The following SESTD1 variants were observed in gnomAD, a reference collection of about 807,000 sequenced individuals.
SESTD1 encodes the protein SEC14 and spectrin domain containing 1, also known as SEC14 domain and spectrin repeat-containing protein 1.
A neutral mutation model predicts 101.7 loss-of-function variants in SESTD1; 43 were observed. That is an observed-to-expected ratio of 0.42 (90% confidence interval 0.33 to 0.55). SESTD1 has a LOEUF of 0.55. Ranked by LOEUF, SESTD1 falls within the 20% of genes least tolerant of loss-of-function variation. SESTD1 has a pLI of 0.07. For missense variants in SESTD1, 647 were observed against 815.1 expected, an observed-to-expected ratio of 0.79 and a Z score of 2.51; for synonymous variants, 283 against 286.8, an observed-to-expected ratio of 0.99 and a Z score of 0.13.
intron 1 of SESTD1, among the ~76,000 whole-genome samples, chr2:179,253,997 GGCTGAGGCAGGAGGATCACCTGA>G (rs959388194): frequency 2.0e-5 from 3 of 152,118 alleles, no homozygotes; most frequent in African/African-American, 7.2e-5. Flanking sequence ...CTACTCAGGA[GGCTGAGGCAGGAGGATCACCTGA>G]GCCCAGAAGG....
chr2:179,110,111 C>A, intron 17 of SESTD1, 83 bp from the exon 18 acceptor site: 2 of 1,407,304 alleles, frequency 1.4e-6, no homozygotes, highest in Admixed American at 2.0e-5. Flanking sequence ...CAAAAATTTA[C>A]CATAAAAAAT....
At chr2:179,220,893 A>G (rs1453984837) in intron 1 of SESTD1, among the ~76,000 whole-genome samples, 2 of 152,206 alleles carry the variant, frequency 1.3e-5, no homozygotes, top group Non-Finnish European at 2.9e-5. Flanking sequence ...AGTTAAGACT[A>G]AATGTAATAT....
Position 179,132,291 on chromosome 2 carries a change from A to G in SESTD1, c.972+13T>C. ...TAATATCATTGTAACTTGCAGAGGA[A>G]AAAGCCTCTCACACTGTGCTGGCTC... On this transcript the variant is annotated intron_variant, in intron 10 of 17. Coordinates refer to ENST00000428443, the MANE Select transcript of SESTD1 (RefSeq NM_178123.5). The G allele has an allele frequency of 6.5e-7, 1 of 1,532,394 alleles. No individual in the cohort carries two copies. 94.9% of individuals were successfully genotyped at this position (1,532,394 alleles called of 1,614,324 possible). A position where few individuals can be genotyped will look rare whatever the true frequency, so the allele number is the denominator to read the frequency against.
At chr2:179,114,679 T>G (rs938373081) in intron 16 of SESTD1, among the ~76,000 whole-genome samples, 3 of 152,208 alleles carry the variant, frequency 2.0e-5, no homozygotes, top group African/African-American at 7.2e-5. Flanking sequence ...AGGTGCCTTT[T>G]AAAAAATGTG....
At chr2:179,229,936 A>C (rs2046958010) in intron 1 of SESTD1, among the ~76,000 whole-genome samples, 1 of 150,142 alleles carries the variant, frequency 6.7e-6, no homozygotes, top group Non-Finnish European at 1.5e-5. Context: ...TAATCTCATA[A>C]AACCCCCTAA....
At chr2:179,135,398 T>C (rs1319563006) in intron 9 of SESTD1, among the ~76,000 whole-genome samples, 1 of 152,166 alleles carries the variant, frequency 6.6e-6, no homozygotes, top group Non-Finnish European at 1.5e-5. Flanking sequence ...CTTTGTTCAT[T>C]TATGTTCTAG....
At position 179,202,299 on chromosome 2, in the gene SESTD1, A is replaced by G. The variant is rs2046529328; in HGVS notation, c.-25-10433T>C. Among the ~76,000 whole-genome samples the G allele has an allele frequency of 5.2e-5, 7 of 134,072 alleles. 2 individuals are homozygous for G. Among genetic ancestry groups the G allele is most frequent in the Admixed American group, 4.3e-4 (6 of 13,804 alleles). 88.0% of individuals were successfully genotyped at this position (134,072 alleles called of 152,430 possible). A position where few individuals can be genotyped will look rare whatever the true frequency, so the allele number is the denominator to read the frequency against. On this transcript the variant is annotated intron_variant, in intron 1 of 17. Coordinates refer to ENST00000428443, the MANE Select transcript of SESTD1 (RefSeq NM_178123.5). ...TTTTCTCCCCTAAAGAAGGCCTAAT[A>G]AAATAACACTCCCCAGTTTTTGTCA...
At chr2:179,214,865 G>A (rs1379056549) in intron 1 of SESTD1, among the ~76,000 whole-genome samples, 1 of 135,190 alleles carries the variant, frequency 7.4e-6, no homozygotes, top group Non-Finnish European at 1.6e-5. Flanking sequence ...CATGGAAACT[G>A]AACATCCTGC....
intron 10 of SESTD1, among the ~76,000 whole-genome samples, chr2:179,128,571 A>G (rs2044932934): frequency 6.6e-6 from 1 of 152,056 alleles, no homozygotes; most frequent in Admixed American, 6.5e-5. Context: ...TCTACTAAAA[A>G]TACAAAAATT....
Position 179,211,196 on chromosome 2 carries a change from G to A in SESTD1, c.-25-19330C>T, listed in dbSNP as rs573432526. ...AAATGGAAACACATCCCATGCTCAC[G>A]GATGGATAGAATCAATATTGTGAAA... is the stretch of plus-strand genomic sequence containing the variant. On this transcript the variant is annotated intron_variant, in intron 1 of 17. Transcript: ENST00000428443. Among the ~76,000 whole-genome samples, 14 of 133,902 alleles carry A rather than the reference G, an allele frequency of 1.0e-4. 2 individuals carry two copies. The highest frequency in any genetic ancestry group is 8.5e-3 in the Middle Eastern group (2 of 234). The allele number at this position is 133,902 out of a possible 152,430, so 87.8% of individuals were successfully genotyped here.
At chr2:179,121,213 T>A (rs1038847112) in intron 13 of SESTD1, among the ~76,000 whole-genome samples, 1 of 152,246 alleles carries the variant, frequency 6.6e-6, no homozygotes, top group East Asian at 1.9e-4. Context: ...GTATATTGCA[T>A]AATTTTAATC....
chr2:179,133,263 T>A (rs2045053562), intron 9 of SESTD1, among the ~76,000 whole-genome samples: 1 of 152,206 alleles, frequency 6.6e-6, no homozygotes, highest in African/African-American at 2.4e-5. Flanking sequence ...ATGCCCATTA[T>A]GAGTCACTAA....
intron 1 of SESTD1, among the ~76,000 whole-genome samples, chr2:179,250,483 G>A (rs1433751820): frequency 6.6e-6 from 1 of 152,164 alleles, no homozygotes; most frequent in Non-Finnish European, 1.5e-5. Context: ...TTACAGTTCC[G>A]GAGGTTAGAA....
intron 12 of SESTD1, among the ~76,000 whole-genome samples, chr2:179,122,777 T>G (rs1432791319): frequency 6.6e-6 from 1 of 152,106 alleles, no homozygotes; most frequent in Non-Finnish European, 1.5e-5. Flanking sequence ...GTGCCTGTAA[T>G]CCCAGCTACT....
chr2:179,163,658 A>T (rs1037456324), intron 5 of SESTD1, among the ~76,000 whole-genome samples: 4 of 151,840 alleles, frequency 2.6e-5, no homozygotes, highest in Non-Finnish European at 5.9e-5. Context: ...CAAAACATAA[A>T]GTTTTAAAAA....
intron 9 of SESTD1, among the ~76,000 whole-genome samples, chr2:179,142,380 G>A (rs185270328): frequency 1.6e-3 from 250 of 152,158 alleles, no homozygotes; most frequent in South Asian, 0.016. Context: ...TTTCAAAAGG[G>A]GTATTATTAT....
chr2:179,129,765 T>C (rs2044967111), intron 10 of SESTD1, among the ~76,000 whole-genome samples: 1 of 152,216 alleles, frequency 6.6e-6, no homozygotes, highest in Non-Finnish European at 1.5e-5. Context: ...TATTAGAATA[T>C]CTTAAACATC....
intron 6 of SESTD1, among the ~76,000 whole-genome samples, chr2:179,149,777 A>G (rs2105448821): frequency 6.6e-6 from 1 of 152,280 alleles, no homozygotes; most frequent in Admixed American, 6.5e-5. Context: ...TCACCAACAC[A>G]TGTTGGTTTC....
chr2:179,218,819 T>C lies in SESTD1; in HGVS notation c.-25-26953A>G, dbSNP rs1475527663. Among the ~76,000 whole-genome samples, 5 of 152,372 alleles carry C rather than the reference T, an allele frequency of 3.3e-5. No individual in the cohort carries two copies. In the East Asian group the frequency reaches 9.6e-4, roughly 29 times the overall value. ...GCAGAGACCACGTCATTTATTTTTG[T>C]ATTTATTTGCTCACTCAACAAATCT... On this transcript the variant is annotated intron_variant, in intron 1 of 17. Transcript: ENST00000428443.
Sources: allele counts gnomAD v4.1 joint callset (sites outside exome capture counted in the v4.1 genomes callset), GRCh38; gene constraint gnomAD v4.1.1; transcripts MANE v1.5; gene names NCBI Gene and HGNC (gene_info 2026-07-23, HGNC 2026-07-21).